The following GRID2 variants were observed in gnomAD, a reference collection of about 807,000 sequenced individuals.
GRID2 encodes the protein glutamate ionotropic receptor delta type subunit 2.
A neutral mutation model predicts 114.8 loss-of-function variants in GRID2; 33 were observed. The ratio of observed to expected loss-of-function variants is 0.29; its 90% CI spans 0.22 to 0.38. The LOEUF (loss-of-function observed/expected upper bound fraction) is 0.38. GRID2 is among the 10% of genes least tolerant of loss of function. GRID2 has a pLI of 1.00. For synonymous variants in GRID2, 505 were observed against 449.9 expected, an observed-to-expected ratio of 1.12 and a Z score of -1.55; for missense variants, 1,184 against 1,257.7, an observed-to-expected ratio of 0.94 and a Z score of 0.89.
At chr4:92,956,332 A>G (rs988090686) in intron 2 of GRID2, among the ~76,000 whole-genome samples, 1 of 152,144 alleles carries the variant, frequency 6.6e-6, no homozygotes, top group Non-Finnish European at 1.5e-5. Flanking sequence ...ATGCACAATT[A>G]TGGTATTATG....
intron 1 of GRID2, among the ~76,000 whole-genome samples, chr4:92,345,585 C>A (rs549251441): frequency 2.6e-5 from 4 of 152,156 alleles, no homozygotes; most frequent in Admixed American, 2.0e-4. Flanking sequence ...TAGACACCAC[C>A]TTTAATGGTT....
chr4:93,533,109 ACCCAACAGTTGT>A (rs1015797554), intron 13 of GRID2, among the ~76,000 whole-genome samples: 1 of 152,068 alleles, frequency 6.6e-6, no homozygotes, highest in African/African-American at 2.4e-5. Flanking sequence ...TATATCCAAA[ACCCAACAGTTGT>A]CCCACCTTTT....
chr4:93,520,781 A>C (rs1730254281), intron 13 of GRID2, among the ~76,000 whole-genome samples: 1 of 152,168 alleles, frequency 6.6e-6, no homozygotes, highest in South Asian at 2.1e-4. Flanking sequence ...ATAAGGGTTG[A>C]CAATCACTGA....
chr4:93,371,839 C>T (rs1762955617), intron 8 of GRID2, among the ~76,000 whole-genome samples: 1 of 149,522 alleles, frequency 6.7e-6, no homozygotes, highest in Admixed American at 6.7e-5. Flanking sequence ...CTTCCGCCTC[C>T]AAGGTTCAAG....
intron 2 of GRID2, among the ~76,000 whole-genome samples, chr4:92,980,549 A>G (rs1285087454): frequency 6.6e-6 from 1 of 152,070 alleles, no homozygotes; most frequent in East Asian, 1.9e-4. Flanking sequence ...CATCCCTTAT[A>G]TATTTGTTGT....
intron 1 of GRID2, among the ~76,000 whole-genome samples, chr4:92,380,000 C>T (rs1165403499): frequency 6.6e-6 from 1 of 151,728 alleles, no homozygotes; most frequent in East Asian, 1.9e-4. Flanking sequence ...CAAAATTGTC[C>T]AACAGGTTAA....
At chr4:93,579,325 G>T (rs1424620330) in intron 13 of GRID2, among the ~76,000 whole-genome samples, 1 of 151,974 alleles carries the variant, frequency 6.6e-6, no homozygotes, top group African/African-American at 2.4e-5. Flanking sequence ...TCCAACTCTG[G>T]TACCTTTTGT....
intron 8 of GRID2, among the ~76,000 whole-genome samples, chr4:93,249,257 C>T (rs1748558653): frequency 1.3e-5 from 2 of 152,276 alleles, no homozygotes; most frequent in East Asian, 1.9e-4. Flanking sequence ...CAGTACCATG[C>T]TGTTTTGGTT....
chr4:92,919,142 G>T (rs539461295), intron 2 of GRID2, among the ~76,000 whole-genome samples: 14 of 152,106 alleles, frequency 9.2e-5, no homozygotes, highest in Non-Finnish European at 1.9e-4. Flanking sequence ...TTTGTGTAGA[G>T]GTGTTTATAC....
At chr4:92,340,983 C>A (rs186359291) in intron 1 of GRID2, among the ~76,000 whole-genome samples, 1 of 151,782 alleles carries the variant, frequency 6.6e-6, no homozygotes, top group Non-Finnish European at 1.5e-5. Context: ...ACCATTCCTG[C>A]AGTTTTGTGA....
chr4:92,313,943 G>A (rs1461962808), intron 1 of GRID2, among the ~76,000 whole-genome samples: 3 of 152,190 alleles, frequency 2.0e-5, no homozygotes, highest in South Asian at 2.1e-4. Context: ...TCCTTTTACA[G>A]CTGGGCATTG....
rs28700001 is a variant in GRID2 at position 92,338,936 on chromosome 4, A to C, written c.88+34192A>C. On this transcript the variant is annotated intron_variant, in intron 1 of 15. Coordinates refer to ENST00000282020, the MANE Select transcript of GRID2 (RefSeq NM_001510.4). ...GGAGGTGTGGCAATTGAAGTTAATGAGTTAATGTTTATAGATGCTTTTTGA... is the reference window on the plus strand; with the variant it reads ...GGAGGTGTGGCAATTGAAGTTAATGCGTTAATGTTTATAGATGCTTTTTGA... Among the ~76,000 whole-genome samples the C allele has an allele frequency of 8.7e-3, 1,330 of 152,164 alleles. 19 individuals carry two copies. The highest frequency in any genetic ancestry group is 0.031 in the African/African-American group (1,270 of 41,538).
intron 4 of GRID2, among the ~76,000 whole-genome samples, chr4:93,121,382 T>C (rs898527170): frequency 6.6e-6 from 1 of 152,194 alleles, no homozygotes; most frequent in Non-Finnish European, 1.5e-5. Flanking sequence ...CAACTAGTTC[T>C]GATTAATTTT....
intron 10 of GRID2, among the ~76,000 whole-genome samples, chr4:93,452,331 A>G (rs1445526519): frequency 6.6e-6 from 1 of 151,940 alleles, no homozygotes; most frequent in African/African-American, 2.4e-5. Context: ...CATGAGGAAT[A>G]GGGTATCCAA....
At chr4:92,441,066 G>T (rs948024678) in intron 1 of GRID2, among the ~76,000 whole-genome samples, 1 of 152,002 alleles carries the variant, frequency 6.6e-6, no homozygotes, top group Non-Finnish European at 1.5e-5. Context: ...AGACATGAGG[G>T]CTAGGCTAAA....
chr4:92,352,946 T>G (rs2110186963), intron 1 of GRID2, among the ~76,000 whole-genome samples: 1 of 151,890 alleles, frequency 6.6e-6, no homozygotes, highest in South Asian at 2.1e-4. Flanking sequence ...TGGCTAAAGG[T>G]TTTTGTTATT....
At chr4:92,327,271 T>C (rs1005507172) in intron 1 of GRID2, among the ~76,000 whole-genome samples, 1 of 152,000 alleles carries the variant, frequency 6.6e-6, no homozygotes, top group Non-Finnish European at 1.5e-5. Context: ...TTTGTCAGTA[T>C]CAAGTAGTTG....
chr4:93,721,343 C>G, intron 14 of GRID2, among the ~76,000 whole-genome samples: 1 of 152,146 alleles, frequency 6.6e-6, no homozygotes, highest in East Asian at 1.9e-4. Flanking sequence ...ACATTCTTAG[C>G]AACTTAAATA....
At chr4:92,595,266 AAC>A (rs1256415620) in intron 2 of GRID2, among the ~76,000 whole-genome samples, 2 of 151,968 alleles carry the variant, frequency 1.3e-5, no homozygotes, top group African/African-American at 4.8e-5. Flanking sequence ...ATAATTTAAA[AAC>A]ACAAGGTTTT....
Sources: gnomAD v4.1 joint callset for allele counts (sites outside exome capture counted in the v4.1 genomes callset) on GRCh38, gnomAD v4.1.1 for gene constraint, MANE v1.5 for transcripts, NCBI Gene and HGNC (gene_info 2026-07-23, HGNC 2026-07-21) for gene names.